PBX1: variants seen among roughly 807,000 people sequenced by gnomAD.
PBX1 encodes pre-B-cell leukemia transcription factor 1.
A neutral mutation model predicts 53.4 loss-of-function variants in PBX1; 6 were observed. The ratio of observed to expected loss-of-function variants is 0.11; its 90% CI spans 0.06 to 0.22. PBX1 has a LOEUF of 0.22. Ranked by LOEUF, PBX1 falls within the 10% of genes least tolerant of loss-of-function variation. PBX1 has a pLI of 1.00. For synonymous variants in PBX1, 204 were observed against 212.3 expected, an observed-to-expected ratio of 0.96 and a Z score of 0.34; for missense variants, 251 against 551.4, an observed-to-expected ratio of 0.46 and a Z score of 5.46.
intron 2 of PBX1, among the ~76,000 whole-genome samples, chr1:164,790,917 A>G (rs1450864001): frequency 2.0e-5 from 3 of 152,126 alleles, no homozygotes; most frequent in Non-Finnish European, 4.4e-5. Context: ...AGACACCTGG[A>G]ACTGGCACTG....
chr1:164,872,855 G>A (rs1672414134), intron 2 of PBX1, among the ~76,000 whole-genome samples: 2 of 152,130 alleles, frequency 1.3e-5, no homozygotes, highest in Admixed American at 1.3e-4. Context: ...TGGTCCTTGA[G>A]TCCAGCCTGG....
chr1:164,784,677 G>A (rs1003245751), intron 2 of PBX1, among the ~76,000 whole-genome samples: 2 of 152,146 alleles, frequency 1.3e-5, no homozygotes, highest in East Asian at 3.9e-4. Context: ...TGTGAAAAAC[G>A]AGTGAATCTA....
chr1:164,841,479 T>C (rs1671289262), intron 8 of PBX1, among the ~76,000 whole-genome samples: 1 of 152,126 alleles, frequency 6.6e-6, no homozygotes, highest in African/African-American at 2.4e-5. Flanking sequence ...AATGACACTT[T>C]TGAAAGATAG....
intron 2 of PBX1, among the ~76,000 whole-genome samples, chr1:164,882,305 A>G (rs1300079009): frequency 6.6e-6 from 1 of 152,168 alleles, no homozygotes; most frequent in Admixed American, 6.5e-5. Flanking sequence ...TGTGCCTGAG[A>G]GTCCATGGGA....
intron 2 of PBX1, among the ~76,000 whole-genome samples, chr1:164,697,859 T>G (rs2800796): frequency 0.24 from 36,822 of 151,992 alleles, 4,699 homozygotes; most frequent in East Asian, 0.46. Context: ...GCCTCAGTGG[T>G]TTAGATTGTT....
At chr1:164,722,616 C>G (rs1283684265) in intron 2 of PBX1, among the ~76,000 whole-genome samples, 1 of 152,168 alleles carries the variant, frequency 6.6e-6, no homozygotes, top group Admixed American at 6.5e-5. Context: ...TCTCCCTCTC[C>G]TCCTCTCTCT....
At chr1:164,572,386 A>G (rs1439752599) in intron 2 of PBX1, among the ~76,000 whole-genome samples, 1 of 152,180 alleles carries the variant, frequency 6.6e-6, no homozygotes, top group Admixed American at 6.5e-5. Context: ...CACTAAGAAA[A>G]AAAGTTTTTG....
intron 2 of PBX1, among the ~76,000 whole-genome samples, chr1:164,864,946 A>C (rs530417788): frequency 2.6e-5 from 4 of 152,198 alleles, no homozygotes; most frequent in Non-Finnish European, 4.4e-5. Context: ...CATGGAGCTC[A>C]TGTTCCCGAG....
chr1:164,641,554 T>C (rs1345729002), intron 2 of PBX1: 1 of 152,312 alleles, frequency 6.6e-6, no homozygotes, highest in East Asian at 1.9e-4. Flanking sequence ...AGGCAGCTTA[T>C]GGTGTAGCTT....
rs866848365 is a variant in PBX1 at position 164,849,617 on chromosome 1, C to G, written c.*2941C>G. 2.8e-5 allele frequency: 17 copies of G among 615,262 alleles called. No individual in the cohort carries two copies. Among genetic ancestry groups the G allele is most frequent in the African/African-American group, 2.4e-4 (13 of 54,316 alleles). The allele number at this position is 615,262 out of a possible 1,614,324, so 38.1% of individuals were successfully genotyped here. A position where few individuals can be genotyped will look rare whatever the true frequency, so the allele number is the denominator to read the frequency against. ...TTCCCCTGAGAAACGATACTAGACC[C>G]TGGGTTTGCCCACCTTGTAACTCTT... On this transcript the variant is annotated 3_prime_UTR_variant, in exon 9 of 9. Transcript: ENST00000420696.
chr1:164,659,383 T>G (rs147098511), intron 2 of PBX1, among the ~76,000 whole-genome samples: 47 of 152,352 alleles, frequency 3.1e-4, no homozygotes, highest in African/African-American at 1.1e-3. Context: ...TTTCTGCCAC[T>G]TCCTCATTGG....
chr1:164,652,892 C>G (rs1019647617), intron 2 of PBX1, among the ~76,000 whole-genome samples: 1 of 147,228 alleles, frequency 6.8e-6, no homozygotes, highest in Non-Finnish European at 1.5e-5. Flanking sequence ...TTTTTTCGGA[C>G]AGAGTCTCAC....
intron 2 of PBX1, among the ~76,000 whole-genome samples, chr1:164,876,704 C>T (rs1333234407): frequency 1.3e-5 from 2 of 152,092 alleles, no homozygotes; most frequent in African/African-American, 2.4e-5. Context: ...TGTGGAAAAG[C>T]AGAAGGCCTG....
chr1:164,685,901 T>C (rs918946098), intron 2 of PBX1, among the ~76,000 whole-genome samples: 1 of 152,166 alleles, frequency 6.6e-6, no homozygotes, highest in Admixed American at 6.5e-5. Flanking sequence ...ACCATGGTTT[T>C]CTTGCAGCTT....
At chr1:164,574,751 A>G (rs1180026256) in intron 2 of PBX1, among the ~76,000 whole-genome samples, 1 of 151,962 alleles carries the variant, frequency 6.6e-6, no homozygotes. Flanking sequence ...GGAGGCCGAG[A>G]TGGGCGGATC....
intron 2 of PBX1, among the ~76,000 whole-genome samples, chr1:164,635,495 T>C (rs1658705454): frequency 6.6e-6 from 1 of 152,232 alleles, no homozygotes; most frequent in African/African-American, 2.4e-5. Flanking sequence ...CAACTGTCAC[T>C]CGACAGGCGT....
chr1:164,854,945 C>CTTTTTT (rs539213655), downstream of PBX1, among the ~76,000 whole-genome samples: 2 of 116,364 alleles, frequency 1.7e-5, no homozygotes, highest in African/African-American at 3.3e-5. Context: ...CTCTCTCTCT[C>CTTTTTT]TTTTTTTTTT....
chr1:164,721,811 G>A (rs951155688), intron 2 of PBX1, among the ~76,000 whole-genome samples: 1 of 152,126 alleles, frequency 6.6e-6, no homozygotes. Flanking sequence ...CACTTACAGT[G>A]CTTCATTCCT....
chr1:164,799,925 G>C (rs1194737882), intron 4 of PBX1, 36 bp downstream of exon 4: 3 of 1,572,792 alleles, frequency 1.9e-6, no homozygotes, highest in Non-Finnish European at 2.6e-6. Flanking sequence ...CCCTCTCTGG[G>C]AGTCCCTGAT....
Sources: gnomAD v4.1 joint callset for allele counts (sites outside exome capture counted in the v4.1 genomes callset) on GRCh38, gnomAD v4.1.1 for gene constraint, MANE v1.5 for transcripts, NCBI Gene and HGNC (gene_info 2026-07-23, HGNC 2026-07-21) for gene names.